Variants in TRPM3 observed in about 807,000 individuals in gnomAD.
TRPM3 encodes the protein transient receptor potential cation channel subfamily M member 3.
A neutral mutation model predicts 181.2 loss-of-function variants in TRPM3; 77 were observed. The observed-to-expected ratio is 0.42, with a 90% CI of 0.35 to 0.51. The LOEUF is 0.51. Ranked by LOEUF, TRPM3 falls within the 20% of genes least tolerant of loss-of-function variation. The probability of loss-of-function intolerance (pLI) is 0.01; values close to 1 mark genes in which losing one functional copy is unlikely to be tolerated. For missense variants in TRPM3, 1,759 were observed against 2,196.7 expected (o/e 0.80, Z 3.98); for synonymous variants, 745 against 796.4 (o/e 0.94, Z 1.09).
At chr9:71,328,274 C>T (rs1287042280) in intron 1 of TRPM3, among the ~76,000 whole-genome samples, 1 of 152,176 alleles carries the variant, frequency 6.6e-6, no homozygotes, top group South Asian at 2.1e-4. Context: ...CGCCATTCTC[C>T]TGCCTCAGCC....
chr9:71,341,318 A>C (rs982048928), intron 1 of TRPM3, among the ~76,000 whole-genome samples: 3 of 152,136 alleles, frequency 2.0e-5, no homozygotes, highest in Non-Finnish European at 4.4e-5. Flanking sequence ...ACAACAGGAA[A>C]AAAGTAACTT....
At chr9:71,255,774 T>C (rs1360443694) in intron 1 of TRPM3, among the ~76,000 whole-genome samples, 1 of 152,158 alleles carries the variant, frequency 6.6e-6, no homozygotes, top group African/African-American at 2.4e-5. Context: ...ATGTGTAAAA[T>C]AATGGGTTTC....
chr9:71,057,172 C>T (rs2060766243), intron 1 of TRPM3, among the ~76,000 whole-genome samples: 1 of 152,024 alleles, frequency 6.6e-6, no homozygotes, highest in Admixed American at 6.6e-5. Context: ...TTCCACTTGC[C>T]CAGGGGATCC....
chr9:70,994,810 A>T (rs1395241133), intron 1 of TRPM3, among the ~76,000 whole-genome samples: 1 of 152,100 alleles, frequency 6.6e-6, no homozygotes, highest in Non-Finnish European at 1.5e-5. Context: ...TATCTAATAA[A>T]CCCTCAGCCT....
intron 20 of TRPM3, among the ~76,000 whole-genome samples, chr9:70,600,984 C>T (rs939060049): frequency 6.6e-6 from 1 of 152,166 alleles, no homozygotes; most frequent in Non-Finnish European, 1.5e-5. Flanking sequence ...CCCCTGCCTC[C>T]TCCACCTCTC....
At chr9:70,753,613 G>A (rs1355978895) in intron 8 of TRPM3, among the ~76,000 whole-genome samples, 2 of 152,150 alleles carry the variant, frequency 1.3e-5, no homozygotes, top group Admixed American at 1.3e-4. Flanking sequence ...ACAAGGTAAA[G>A]AAAACTATTT....
intron 14 of TRPM3, among the ~76,000 whole-genome samples, chr9:70,624,010 G>T (rs900903877): frequency 6.6e-6 from 1 of 152,090 alleles, no homozygotes; most frequent in African/African-American, 2.4e-5. Context: ...GATCGTATTT[G>T]CTGCCAATGA....
At chr9:70,882,215 C>T (rs1326821336) in intron 1 of TRPM3, among the ~76,000 whole-genome samples, 5 of 152,094 alleles carry the variant, frequency 3.3e-5, no homozygotes, top group Non-Finnish European at 7.4e-5. Flanking sequence ...ATGACCAGGT[C>T]CTCATTTTGT....
chr9:71,088,970 G>A (rs191731468), intron 1 of TRPM3, among the ~76,000 whole-genome samples: 5 of 151,628 alleles, frequency 3.3e-5, no homozygotes, highest in Non-Finnish European at 7.4e-5. Flanking sequence ...GAAGCTCTCT[G>A]TTTTCTTCTT....
intron 1 of TRPM3, among the ~76,000 whole-genome samples, chr9:71,011,693 T>C (rs1315908703): frequency 6.6e-6 from 1 of 151,854 alleles, no homozygotes; most frequent in Non-Finnish European, 1.5e-5. Flanking sequence ...TAAATTTCTT[T>C]ACTTAATTGC....
chr9:70,591,272 G>T, intron 21 of TRPM3, 67 bp from the exon 22 acceptor site: 1 of 1,404,076 alleles, frequency 7.1e-7, no homozygotes, highest in Non-Finnish European at 1.0e-6. Context: ...TCTTATAATT[G>T]CTGACAATGA....
intron 1 of TRPM3, among the ~76,000 whole-genome samples, chr9:71,175,132 T>C (rs55680424): frequency 0.021 from 3,192 of 152,278 alleles, 127 homozygotes; most frequent in African/African-American, 0.073. Flanking sequence ...CCATGATCTT[T>C]CCCACACATT....
At chr9:70,555,580 T>A (rs1320346280) in intron 22 of TRPM3, among the ~76,000 whole-genome samples, 3 of 152,216 alleles carry the variant, frequency 2.0e-5, no homozygotes, top group African/African-American at 7.2e-5. Context: ...TGATGCATAG[T>A]CCTAGCTCTG....
At chr9:70,752,051 C>A (rs10868880) in intron 8 of TRPM3, among the ~76,000 whole-genome samples, 1 of 88,154 alleles carries the variant, frequency 1.1e-5, no homozygotes, top group African/African-American at 4.6e-5. Flanking sequence ...TGTGTGTGTG[C>A]GCGCGCGCGC....
At chr9:71,032,094 T>C (rs2057542636) in intron 1 of TRPM3, among the ~76,000 whole-genome samples, 3 of 91,514 alleles carry the variant, frequency 3.3e-5, no homozygotes, top group Non-Finnish European at 6.4e-5. Flanking sequence ...TATATAATTA[T>C]ATAATATTAT....
chr9:70,874,236 A>G (rs997057714), intron 1 of TRPM3, among the ~76,000 whole-genome samples: 2 of 151,942 alleles, frequency 1.3e-5, no homozygotes, highest in Non-Finnish European at 2.9e-5. Context: ...GTTTCTTTGG[A>G]AATTTGTTTC....
intron 6 of TRPM3, among the ~76,000 whole-genome samples, chr9:70,786,345 C>T (rs964121708): frequency 1.0e-5 from 1 of 96,988 alleles, no homozygotes; most frequent in African/African-American, 3.6e-5. Context: ...ATTAGCTGGG[C>T]GTGGTGGCAG....
At chr9:70,976,578 C>T (rs921953736) in intron 1 of TRPM3, among the ~76,000 whole-genome samples, 3 of 152,104 alleles carry the variant, frequency 2.0e-5, no homozygotes, top group East Asian at 1.9e-4. Context: ...AATTTAAGAA[C>T]GTATTCTAAG....
At chr9:71,335,637 A>T (rs1353562856) in intron 1 of TRPM3, among the ~76,000 whole-genome samples, 1 of 152,174 alleles carries the variant, frequency 6.6e-6, no homozygotes, top group Non-Finnish European at 1.5e-5. Context: ...GGCCCCCAGG[A>T]TCAATAAACT....
Sources: allele counts gnomAD v4.1 joint callset (sites outside exome capture counted in the v4.1 genomes callset), GRCh38; gene constraint gnomAD v4.1.1; transcripts MANE v1.5; gene names NCBI Gene and HGNC (gene_info 2026-07-23, HGNC 2026-07-21).